The following RNF125 variants were observed in gnomAD, a reference collection of about 807,000 sequenced individuals.
RNF125 encodes E3 ubiquitin-protein ligase RNF125.
A neutral mutation model predicts 26.0 loss-of-function variants in RNF125; 21 were observed. That is an observed-to-expected ratio of 0.81 (90% confidence interval 0.57 to 1.16). RNF125 has a LOEUF of 1.16. Among genes scored for constraint, RNF125 ranks in the 50% most tolerant of loss-of-function variants. The probability of loss-of-function intolerance (pLI) is 0.00; values close to 1 mark genes in which losing one functional copy is unlikely to be tolerated. For missense variants in RNF125, 270 were observed against 299.4 expected, an observed-to-expected ratio of 0.90 and a Z score of 0.72; for synonymous variants, 95 against 109.2, an observed-to-expected ratio of 0.87 and a Z score of 0.81.
intron 1 of RNF125, among the ~76,000 whole-genome samples, chr18:32,020,128 A>C (rs2038973089): frequency 6.6e-6 from 1 of 150,714 alleles, no homozygotes; most frequent in Non-Finnish European, 1.5e-5. Flanking sequence ...GCCCACTGCA[A>C]CCTCCGCCTC....
chr18:32,056,187 A>C (rs568015185), intron 4 of RNF125, among the ~76,000 whole-genome samples: 1 of 152,154 alleles, frequency 6.6e-6, no homozygotes, highest in African/African-American at 2.4e-5. Context: ...TAAGTGGCTC[A>C]CATAGGAAGA....
chr18:32,082,522 C>G, the RNF125 span, among the ~76,000 whole-genome samples: 225 of 152,278 alleles, frequency 1.5e-3, no homozygotes, highest in South Asian at 5.6e-3. Flanking sequence ...GACCTCTCTG[C>G]CAGCCCAGGT....
intron 4 of RNF125, among the ~76,000 whole-genome samples, chr18:32,057,535 A>C (rs1188506252): frequency 1.3e-5 from 2 of 151,966 alleles, no homozygotes; most frequent in Non-Finnish European, 2.9e-5. Context: ...GAGTTTCTCC[A>C]TGTTGGTCAG....
At chr18:32,063,333 T>A (rs2039452635) in intron 4 of RNF125, among the ~76,000 whole-genome samples, 1 of 152,104 alleles carries the variant, frequency 6.6e-6, no homozygotes, top group South Asian at 2.1e-4. Flanking sequence ...TTATTTATAT[T>A]AGCCATCATA....
At chr18:32,053,450 T>C (rs2039348246) in intron 4 of RNF125, among the ~76,000 whole-genome samples, 1 of 151,998 alleles carries the variant, frequency 6.6e-6, no homozygotes, top group African/African-American at 2.4e-5. Context: ...AGGGATTCCC[T>C]ATAACAATAC....
intron 1 of RNF125, among the ~76,000 whole-genome samples, chr18:32,030,856 C>T (rs529135799): frequency 7.2e-5 from 11 of 152,168 alleles, no homozygotes; most frequent in Non-Finnish European, 1.2e-4. Flanking sequence ...TGAGAGAGCT[C>T]GCTTATTATT....
intron 4 of RNF125, among the ~76,000 whole-genome samples, chr18:32,061,473 C>T (rs1045703776): frequency 2.6e-5 from 4 of 152,238 alleles, no homozygotes; most frequent in Non-Finnish European, 4.4e-5. Flanking sequence ...AAATATGGAG[C>T]AGAGCTAGTT....
the RNF125 span, among the ~76,000 whole-genome samples, chr18:32,085,964 G>C: frequency 6.6e-6 from 1 of 152,170 alleles, no homozygotes; most frequent in Admixed American, 6.5e-5. Context: ...ACTGAGAATG[G>C]CTCAAACTAG....
rs1293005732 is a variant in RNF125 at position 32,069,316 on chromosome 18, A to G, written c.*932A>G. ...TCTTTGACTTTTTATAACTGCATAC[A>G]TAAGAATTCAATATTTTTCAAATAT... On this transcript the variant is annotated 3_prime_UTR_variant, in exon 6 of 6. Transcript: ENST00000217740. The G allele has an allele frequency of 2.0e-5, 3 of 152,164 alleles. No individual in the cohort carries two copies. Among genetic ancestry groups the G allele is most frequent in the Non-Finnish European group, 2.9e-5 (2 of 68,038 alleles). 9.4% of individuals were successfully genotyped at this position (152,164 alleles called of 1,614,324 possible).
At chr18:32,050,882 T>C (rs1248552814) in intron 4 of RNF125, among the ~76,000 whole-genome samples, 7 of 124,654 alleles carry the variant, frequency 5.6e-5, no homozygotes, top group East Asian at 4.5e-4. Flanking sequence ...TTTTTTTTTT[T>C]TTTTTTTTTT....
chr18:32,037,278 G>T lies in RNF125; in HGVS notation c.318+9G>T. ...CTGAGTGTGACACCCTGGTATGTATGTGACCCCACCTATTTTCATGGTTAC... is the reference window on the plus strand; with the variant it reads ...CTGAGTGTGACACCCTGGTATGTATTTGACCCCACCTATTTTCATGGTTAC... On this transcript the variant is annotated intron_variant, in intron 2 of 5. Transcript: ENST00000217740. 1 of 1,523,140 alleles carries T rather than the reference G, an allele frequency of 6.6e-7. No individual in the cohort carries two copies. Among genetic ancestry groups the T allele is most frequent in the Middle Eastern group, 1.7e-4 (1 of 5,746 alleles). The allele number at this position is 1,523,140 out of a possible 1,614,324, so 94.4% of individuals were successfully genotyped here.
chr18:32,026,268 A>C (rs1186075060), intron 1 of RNF125, among the ~76,000 whole-genome samples: 1 of 49,916 alleles, frequency 2.0e-5, no homozygotes, highest in African/African-American at 1.2e-4. Context: ...TTTTTTTTTG[A>C]GATGTAGTCT....
At chr18:32,078,528 T>C in the RNF125 span, among the ~76,000 whole-genome samples, 1 of 151,990 alleles carries the variant, frequency 6.6e-6, no homozygotes, top group Non-Finnish European at 1.5e-5. Flanking sequence ...TAGTCCCAGC[T>C]ACTTGGGAGG....
chr18:32,063,911 G>A (rs1339627710), intron 4 of RNF125, among the ~76,000 whole-genome samples: 1 of 151,018 alleles, frequency 6.6e-6, no homozygotes, highest in Non-Finnish European at 1.5e-5. Context: ...GGAGAGAGAA[G>A]GAAATAAAGG....
At chr18:32,024,098 T>C (rs1387764122) in intron 1 of RNF125, among the ~76,000 whole-genome samples, 15 of 151,918 alleles carry the variant, frequency 9.9e-5, no homozygotes, top group Non-Finnish European at 1.8e-4. Flanking sequence ...TCTATATCTT[T>C]TTTTATTCTT....
At position 32,068,422 on chromosome 18, in the gene RNF125, C is replaced by A; in HGVS notation, c.*38C>A. On this transcript the variant is annotated 3_prime_UTR_variant, in exon 6 of 6. Coordinates refer to ENST00000217740, the MANE Select transcript of RNF125 (RefSeq NM_017831.4). ...GAAGGGAAAAGGGACCACTGAATTG[C>A]ACCATTTAAGATGCTGCTTGAACAA... 2 of 1,187,462 alleles carry A rather than the reference C, an allele frequency of 1.7e-6. No individual in the cohort carries two copies. Among genetic ancestry groups the A allele is most frequent in the Non-Finnish European group, 2.5e-6 (2 of 794,714 alleles). 73.6% of individuals were successfully genotyped at this position (1,187,462 alleles called of 1,614,324 possible).
At chr18:32,066,559 A>G (rs781416255) in intron 5 of RNF125, among the ~76,000 whole-genome samples, 23 of 152,284 alleles carry the variant, frequency 1.5e-4, no homozygotes, top group Middle Eastern at 3.4e-3. Context: ...GCCAATTATT[A>G]TTATCCAGGT....
chr18:32,087,182 G>A, the RNF125 span, among the ~76,000 whole-genome samples: 5 of 151,908 alleles, frequency 3.3e-5, no homozygotes, highest in East Asian at 3.9e-4. Flanking sequence ...ACCAGTAATC[G>A]TGTTTCTCTG....
the RNF125 span, among the ~76,000 whole-genome samples, chr18:32,086,245 A>G: frequency 6.0e-5 from 9 of 149,766 alleles, no homozygotes; most frequent in African/African-American, 2.0e-4. Context: ...TTAAGAGACA[A>G]GCTCTTGCTG....
Sources: allele counts gnomAD v4.1 joint callset (sites outside exome capture counted in the v4.1 genomes callset), GRCh38; gene constraint gnomAD v4.1.1; transcripts MANE v1.5; gene names NCBI Gene and HGNC (gene_info 2026-07-23, HGNC 2026-07-21).